The following TPRG1 variants were observed in gnomAD, a reference collection of about 807,000 sequenced individuals.
TPRG1 encodes tumor protein p63-regulated gene 1 protein.
In TPRG1, 29 loss-of-function variants were observed where a neutral mutation model predicts 29.3. That is an observed-to-expected ratio of 0.99 (90% CI 0.74 to 1.35). The LOEUF (loss-of-function observed/expected upper bound fraction) is 1.35. Ranked by LOEUF, TPRG1 falls within the 40% of genes most tolerant of loss-of-function variation. TPRG1 has a pLI of 0.00. For missense variants in TPRG1, 327 were observed against 335.0 expected (o/e 0.98, Z 0.19); for synonymous variants, 130 against 116.8 (o/e 1.11, Z -0.73).
intron 4 of TPRG1, among the ~76,000 whole-genome samples, chr3:189,252,948 C>A (rs1346933617): frequency 6.6e-6 from 1 of 152,056 alleles, no homozygotes. Flanking sequence ...TTTTTAATTT[C>A]ATTTACATAT....
chr3:189,093,465 C>G (rs2152182028), intron 4 of TPRG1, among the ~76,000 whole-genome samples: 1 of 152,292 alleles, frequency 6.6e-6, no homozygotes, highest in Non-Finnish European at 1.5e-5. Context: ...ATTGGAGAGA[C>G]ATCTTGTTCT....
At chr3:189,280,286 T>A (rs1716892601) in intron 4 of TPRG1, among the ~76,000 whole-genome samples, 1 of 143,590 alleles carries the variant, frequency 7.0e-6, no homozygotes, top group African/African-American at 2.8e-5. Context: ...TATAAATGAA[T>A]GGATATATAT....
At chr3:189,144,311 A>AT (rs1724962525) in intron 3 of TPRG1, among the ~76,000 whole-genome samples, 1 of 152,204 alleles carries the variant, frequency 6.6e-6, no homozygotes, top group Non-Finnish European at 1.5e-5. Context: ...ATAGGCAACC[A>AT]TTTGTTCCTG....
At chr3:189,045,806 T>C (rs577709700) in intron 4 of TPRG1, among the ~76,000 whole-genome samples, 147 of 152,350 alleles carry the variant, frequency 9.6e-4, no homozygotes, top group Non-Finnish European at 1.8e-3. Context: ...AGGACAAGCC[T>C]GGGGCTGACT....
At chr3:189,124,258 C>T (rs1441753525) in intron 1 of TPRG1, among the ~76,000 whole-genome samples, 1 of 151,850 alleles carries the variant, frequency 6.6e-6, no homozygotes, top group Non-Finnish European at 1.5e-5. Flanking sequence ...AAGAAGCAGG[C>T]AGAGAAATTC....
intron 2 of TPRG1, among the ~76,000 whole-genome samples, chr3:189,002,378 C>G (rs1364674158): frequency 6.6e-6 from 1 of 151,938 alleles, no homozygotes; most frequent in Non-Finnish European, 1.5e-5. Context: ...TTTTCTTACA[C>G]TTAAGCTGTT....
chr3:189,077,476 T>C (rs965204490), intron 4 of TPRG1, among the ~76,000 whole-genome samples: 2 of 152,114 alleles, frequency 1.3e-5, no homozygotes, highest in African/African-American at 4.8e-5. Context: ...AGAAATTTGT[T>C]GCCTCTTTAG....
At chr3:189,052,578 A>G (rs976803222) in intron 4 of TPRG1, among the ~76,000 whole-genome samples, 2 of 152,224 alleles carry the variant, frequency 1.3e-5, no homozygotes, top group Admixed American at 6.5e-5. Flanking sequence ...TGATCCAGCA[A>G]TCCCACTACT....
exon 4 of TPRG1, chr3:189,023,809 C>G (rs2152126110): frequency 6.6e-6 from 1 of 152,584 alleles, no homozygotes; most frequent in African/African-American, 2.4e-5. Context: ...TTTGCAGTAC[C>G]TGGAGGTTTC....
chr3:189,010,171 C>T (rs962018247), intron 3 of TPRG1, among the ~76,000 whole-genome samples: 8 of 152,162 alleles, frequency 5.3e-5, no homozygotes, highest in Admixed American at 2.6e-4. Flanking sequence ...ATATGTACCA[C>T]ATTTTCTTTA....
At chr3:189,081,256 A>G (rs1337296623) in intron 4 of TPRG1, among the ~76,000 whole-genome samples, 1 of 152,022 alleles carries the variant, frequency 6.6e-6, no homozygotes, top group Admixed American at 6.5e-5. Flanking sequence ...ATGAATGAGG[A>G]AAAAATGCGT....
At chr3:189,066,462 T>A (rs961253651) in intron 4 of TPRG1, among the ~76,000 whole-genome samples, 10 of 152,042 alleles carry the variant, frequency 6.6e-5, no homozygotes, top group African/African-American at 2.4e-4. Flanking sequence ...TAAAAAGATA[T>A]TTCATCATGA....
upstream of TPRG1, among the ~76,000 whole-genome samples, chr3:189,096,097 C>T (rs7639863): frequency 0.093 from 14,105 of 152,256 alleles, 832 homozygotes; most frequent in African/African-American, 0.17. Context: ...ATTAATCTTG[C>T]AAACAGTTAT....
At chr3:189,311,506 A>G (rs1722485141) in intron 5 of TPRG1, among the ~76,000 whole-genome samples, 1 of 152,186 alleles carries the variant, frequency 6.6e-6, no homozygotes, top group African/African-American at 2.4e-5. Flanking sequence ...TTAACTTGAT[A>G]GGTCCTGGGG....
chr3:189,207,088 A>G (rs895485130), intron 1 of TPRG1: 32 of 739,560 alleles, frequency 4.3e-5, no homozygotes, highest in Non-Finnish European at 5.3e-5. Flanking sequence ...TAATTATTTT[A>G]TATAGCTCTT....
intron 4 of TPRG1, among the ~76,000 whole-genome samples, chr3:189,056,884 G>A (rs1715732879): frequency 6.6e-6 from 1 of 152,134 alleles, no homozygotes; most frequent in South Asian, 2.1e-4. Context: ...GAAAGCCTCA[G>A]TACTATGTCA....
At position 189,238,544 on chromosome 3, in the gene TPRG1, C is replaced by T. The variant is rs574329644; in HGVS notation, c.303-189C>T. ...TAAAATATTTCTCCATCATCTTCCA[C>T]CTTTCCTCCTTCTTTAGTCATGGGA... is the stretch of plus-strand genomic sequence containing the variant. On this transcript the variant is annotated intron_variant, in intron 3 of 5. Coordinates refer to ENST00000345063, the MANE Select transcript of TPRG1 (RefSeq NM_198485.4). The T allele has an allele frequency of 4.5e-5, 20 of 441,130 alleles. No individual in the cohort carries two copies. The South Asian group carries it at 1.2e-3, about 26-fold the overall frequency. The allele number at this position is 441,130 out of a possible 1,614,324, so 27.3% of individuals were successfully genotyped here.
chr3:189,290,357 TCA>T (rs954659748), intron 4 of TPRG1, among the ~76,000 whole-genome samples: 1 of 152,134 alleles, frequency 6.6e-6, no homozygotes, highest in African/African-American at 2.4e-5. Flanking sequence ...CTCCCAACAC[TCA>T]CACACTCATG....
intron 4 of TPRG1, among the ~76,000 whole-genome samples, chr3:189,072,771 G>GTCCA (rs1171967892): frequency 4.6e-5 from 7 of 151,416 alleles, no homozygotes; most frequent in Non-Finnish European, 8.8e-5. Flanking sequence ...CAATCAATTC[G>GTCCA]TCCATCCATC....
Sources: gnomAD v4.1 joint callset for allele counts (sites outside exome capture counted in the v4.1 genomes callset) on GRCh38, gnomAD v4.1.1 for gene constraint, MANE v1.5 for transcripts, NCBI Gene and HGNC (gene_info 2026-07-23, HGNC 2026-07-21) for gene names.